PUM2: variants seen among roughly 807,000 people sequenced by gnomAD.
PUM2 encodes pumilio homolog 2.
A neutral mutation model predicts 124.5 loss-of-function variants in PUM2; 57 were observed. The observed-to-expected ratio is 0.46, with a 90% confidence interval of 0.37 to 0.57. PUM2 has a LOEUF of 0.57. Among genes scored for constraint, PUM2 ranks in the 20% least tolerant of loss-of-function variants. PUM2 has a pLI of 0.00. For synonymous variants in PUM2, 460 were observed against 446.1 expected (o/e 1.03, Z -0.39); for missense variants, 1,065 against 1,290.6 (o/e 0.83, Z 2.68).
chr2:20,344,524 G>C (rs1315584762), intron 1 of PUM2, among the ~76,000 whole-genome samples: 1 of 152,066 alleles, frequency 6.6e-6, no homozygotes. Context: ...ACTTCAATCT[G>C]GTGGGCTTCT....
At chr2:20,299,677 TAAC>T (rs1329173678) in intron 7 of PUM2, among the ~76,000 whole-genome samples, 2 of 151,940 alleles carry the variant, frequency 1.3e-5, no homozygotes, top group Admixed American at 6.6e-5. Context: ...CCTAAATAAA[TAAC>T]AACAACATGG....
chr2:20,273,024 C>T (rs1205412161), intron 13 of PUM2, among the ~76,000 whole-genome samples: 4 of 152,184 alleles, frequency 2.6e-5, no homozygotes, highest in Admixed American at 1.3e-4. Flanking sequence ...TCTCATGAAG[C>T]ACATCTGCCT....
At chr2:20,302,161 C>T (rs1677140824) in intron 7 of PUM2, among the ~76,000 whole-genome samples, 1 of 152,210 alleles carries the variant, frequency 6.6e-6, no homozygotes, top group African/African-American at 2.4e-5. Context: ...GATGTTCCCG[C>T]CTCAACCTCC....
chr2:20,321,577 GT>G, intron 2 of PUM2, among the ~76,000 whole-genome samples: 2 of 152,122 alleles, frequency 1.3e-5, no homozygotes, highest in East Asian at 3.9e-4. Flanking sequence ...CTAATAATAG[GT>G]TAAAGTGAAC....
intron 7 of PUM2, among the ~76,000 whole-genome samples, chr2:20,300,657 A>G (rs1352489610): frequency 6.6e-6 from 1 of 152,218 alleles, no homozygotes; most frequent in Non-Finnish European, 1.5e-5. Context: ...GATTCCACTC[A>G]GGTTAGTGAA....
rs767429554 is a variant in PUM2 at position 20,294,454 on chromosome 2, A to C, written c.1074T>G (p.Phe358Leu). 1 of 1,614,124 alleles carries C rather than the reference A, an allele frequency of 6.2e-7. No homozygotes were observed. The highest frequency in any genetic ancestry group is 8.5e-7 in the Non-Finnish European group (1 of 1,180,032). The change falls in exon 9 of 21, where the codon TTT becomes TTG. Residue 358 changes from phenylalanine to leucine, a missense_variant. Transcript: ENST00000361078. ...VPWGVYPANL[F>L]QQQAAAAANN... Reference sequence around the variant, plus strand: ...TTGCCGCAGCTGCAGCTTGCTGCTGAAATAAGTTGGCTGGATACACCCCCC... The same window carrying C: ...TTGCCGCAGCTGCAGCTTGCTGCTGCAATAAGTTGGCTGGATACACCCCCC...
At chr2:20,286,249 C>A (rs977319617) in intron 10 of PUM2, among the ~76,000 whole-genome samples, 1 of 152,020 alleles carries the variant, frequency 6.6e-6, no homozygotes, top group South Asian at 2.1e-4. Flanking sequence ...GAAAGCTAAT[C>A]CAGAGGAGAA....
intron 1 of PUM2, 157 bp downstream of exon 1, chr2:20,350,440 C>G (rs1435107677): frequency 2.1e-6 from 2 of 966,382 alleles, no homozygotes; most frequent in Non-Finnish European, 2.5e-6. Context: ...CTGCATTGTG[C>G]GAGCGGGCCC....
At chr2:20,295,685 A>T (rs1675359129) in intron 8 of PUM2, among the ~76,000 whole-genome samples, 1 of 152,208 alleles carries the variant, frequency 6.6e-6, no homozygotes. Flanking sequence ...ATATTATAAA[A>T]AATATAAGTT....
At chr2:20,338,655 G>A (rs142303861) in intron 1 of PUM2, among the ~76,000 whole-genome samples, 3 of 152,192 alleles carry the variant, frequency 2.0e-5, no homozygotes, top group African/African-American at 7.2e-5. Flanking sequence ...CAACTGTTCT[G>A]GTTATACCAG....
intron 10 of PUM2, among the ~76,000 whole-genome samples, chr2:20,289,342 T>A (rs1673469581): frequency 1.3e-5 from 2 of 152,258 alleles, no homozygotes; most frequent in East Asian, 1.9e-4. Context: ...CCGTTCTACA[T>A]ATAGCTAAAA....
intron 9 of PUM2, among the ~76,000 whole-genome samples, chr2:20,294,046 C>A: frequency 6.6e-6 from 1 of 151,930 alleles, no homozygotes; most frequent in Non-Finnish European, 1.5e-5. Context: ...AATTTAAATA[C>A]CTGGAAAAAT....
At chr2:20,293,393 T>C (rs535917001) in intron 9 of PUM2, among the ~76,000 whole-genome samples, 15 of 152,322 alleles carry the variant, frequency 9.8e-5, no homozygotes, top group African/African-American at 3.4e-4. Context: ...AAAAACAGCT[T>C]CAACAGAGCA....
intron 7 of PUM2, among the ~76,000 whole-genome samples, chr2:20,297,907 T>C (rs915900410): frequency 6.6e-6 from 1 of 152,190 alleles, no homozygotes; most frequent in Non-Finnish European, 1.5e-5. Flanking sequence ...TTAAATGTAA[T>C]ACCGATTATG....
At chr2:20,305,132 G>C (rs1677904101) in intron 7 of PUM2, among the ~76,000 whole-genome samples, 1 of 152,016 alleles carries the variant, frequency 6.6e-6, no homozygotes, top group Admixed American at 6.6e-5. Flanking sequence ...TGAAAGTTCT[G>C]CCACATCTTT....
At chr2:20,306,859 A>G (rs1678450321) in intron 7 of PUM2, among the ~76,000 whole-genome samples, 1 of 151,532 alleles carries the variant, frequency 6.6e-6, no homozygotes, top group Non-Finnish European at 1.5e-5. Flanking sequence ...CACCTGCCTC[A>G]GCCTCCCAAA....
chr2:20,252,152 A>C (rs938916589), intron 20 of PUM2, among the ~76,000 whole-genome samples: 1 of 152,250 alleles, frequency 6.6e-6, no homozygotes, highest in Non-Finnish European at 1.5e-5. Context: ...AATTTTTTAT[A>C]TTCATTAGTT....
chr2:20,335,991 A>G (rs957780759), intron 1 of PUM2, among the ~76,000 whole-genome samples: 2 of 152,208 alleles, frequency 1.3e-5, no homozygotes, highest in African/African-American at 4.8e-5. Context: ...GAGAATCAAA[A>G]TACTGCTGAA....
intron 13 of PUM2, among the ~76,000 whole-genome samples, chr2:20,272,885 C>T (rs912487990): frequency 5.3e-5 from 8 of 152,110 alleles, no homozygotes; most frequent in African/African-American, 1.9e-4. Flanking sequence ...TGGATCCATT[C>T]CTAGATATAT....
Sources: allele counts gnomAD v4.1 joint callset (sites outside exome capture counted in the v4.1 genomes callset), GRCh38; gene constraint gnomAD v4.1.1; transcripts MANE v1.5; gene names NCBI Gene and HGNC (gene_info 2026-07-23, HGNC 2026-07-21).